MET: variants seen among roughly 807,000 people sequenced by gnomAD.
MET encodes the protein hepatocyte growth factor receptor.
In MET, 48 loss-of-function variants were observed where a neutral mutation model predicts 133.1. The ratio of observed to expected loss-of-function variants is 0.36; its 90% CI spans 0.29 to 0.46. MET has a LOEUF of 0.46. Among genes scored for constraint, MET ranks in the 20% least tolerant of loss-of-function variants. The pLI is 1.00. For missense variants in MET, 1,442 were observed against 1,695.9 expected (o/e 0.85, Z 2.63); for synonymous variants, 628 against 616.5 (o/e 1.02, Z -0.28).
At chr7:116,745,736 G>A (rs973985110) in intron 5 of MET, among the ~76,000 whole-genome samples, 1 of 152,186 alleles carries the variant, frequency 6.6e-6, no homozygotes, top group Non-Finnish European at 1.5e-5. Context: ...TATGGAGAAA[G>A]CTGAAACTGG....
chr7:116,744,985 A>T (rs1584927589), intron 5 of MET, among the ~76,000 whole-genome samples: 1 of 152,228 alleles, frequency 6.6e-6, no homozygotes, highest in African/African-American at 2.4e-5. Context: ...GAGGAAGTCA[A>T]ATTGTCCCTG....
In MET at chr7:116,761,259, A is replaced by G. The variant is rs112270031; in HGVS notation, c.2364+1769A>G. On this transcript the variant is annotated intron_variant, in intron 10 of 20. Coordinates refer to ENST00000397752, the MANE Select transcript of MET (RefSeq NM_000245.4). The stretch of plus-strand genomic sequence containing the variant: ...TATTTGTTTATATATCTGGAAATAT[A>G]AACTTCTGTTGTTTTAGTGACAAAC... 5.2e-3 allele frequency among the ~76,000 whole-genome samples: 798 copies of G among 152,336 alleles called. 3 individuals carry two copies. The highest frequency in any genetic ancestry group is 8.9e-3 in the Non-Finnish European group (607 of 68,022).
At chr7:116,673,579 T>C (rs1264609812) in intron 1 of MET, among the ~76,000 whole-genome samples, 1 of 152,202 alleles carries the variant, frequency 6.6e-6, no homozygotes, top group African/African-American at 2.4e-5. Flanking sequence ...GTTTATTCTG[T>C]CGCTTTCATC....
At chr7:116,720,219 T>C (rs1310887943) in intron 2 of MET, among the ~76,000 whole-genome samples, 1 of 146,924 alleles carries the variant, frequency 6.8e-6, no homozygotes, top group African/African-American at 2.5e-5. Context: ...TAAGTTGGAT[T>C]CCTAGGTATT....
At chr7:116,768,943 T>A (rs549174351) in intron 11 of MET, among the ~76,000 whole-genome samples, 2 of 152,314 alleles carry the variant, frequency 1.3e-5, no homozygotes, top group South Asian at 4.1e-4. Context: ...TTTTAAAAAA[T>A]TTTTGTGTAA....
chr7:116,696,458 C>G (rs906173881), intron 1 of MET, among the ~76,000 whole-genome samples: 1 of 152,208 alleles, frequency 6.6e-6, no homozygotes, highest in Non-Finnish European at 1.5e-5. Flanking sequence ...CCCATTCCCT[C>G]AATTTAACAT....
At chr7:116,767,961 C>CATATAT (rs35523419) in intron 11 of MET, among the ~76,000 whole-genome samples, 2 of 138,990 alleles carry the variant, frequency 1.4e-5, no homozygotes, top group African/African-American at 2.7e-5. Context: ...TTCTAATATG[C>CATATAT]ATATATATAT....
At position 116,774,546 on chromosome 7, in the gene MET, G is replaced by C. The variant is rs183129962; in HGVS notation, c.3029-335G>C. Among the ~76,000 whole-genome samples the C allele has an allele frequency of 1.3e-3, 193 of 152,272 alleles. 1 individual carries two copies. Among genetic ancestry groups the C allele is most frequent in the African/African-American group, 4.5e-3 (186 of 41,544 alleles). On this transcript the variant is annotated intron_variant, in intron 14 of 20. Coordinates refer to ENST00000397752, the MANE Select transcript of MET (RefSeq NM_000245.4). ...TATTTGAGCTGGATTTTTGTGAGACGAGGCAATTGCTCAACTACCTTTGCT... is the reference window on the plus strand; with the variant it reads ...TATTTGAGCTGGATTTTTGTGAGACCAGGCAATTGCTCAACTACCTTTGCT...
chr7:116,716,377 G>A (rs1482936987), intron 2 of MET, among the ~76,000 whole-genome samples: 1 of 117,416 alleles, frequency 8.5e-6, no homozygotes, highest in African/African-American at 3.2e-5. Context: ...AAGGAAGGAG[G>A]GAAAAAGAGA....
At chr7:116,753,355 C>G (rs753426615) in intron 5 of MET, among the ~76,000 whole-genome samples, 1 of 152,160 alleles carries the variant, frequency 6.6e-6, no homozygotes, top group Non-Finnish European at 1.5e-5. Flanking sequence ...GTCCCCACCC[C>G]CAAAAGAGCA....
At chr7:116,716,482 AAAGAAAG>A (rs1249151756) in intron 2 of MET, among the ~76,000 whole-genome samples, 9 of 128,540 alleles carry the variant, frequency 7.0e-5, no homozygotes, top group Non-Finnish European at 1.7e-5. Context: ...AGAAAGAAAG[AAAGAAAG>A]AAAGAAAGAA....
chr7:116,741,449 A>G (rs1359451522), intron 5 of MET, among the ~76,000 whole-genome samples: 1 of 152,174 alleles, frequency 6.6e-6, no homozygotes, highest in Non-Finnish European at 1.5e-5. Context: ...GTGCCCAGAC[A>G]TGAGCCTCCA....
chr7:116,798,197 A>G lies in MET; in HGVS notation c.*2073A>G, dbSNP rs1231883271. 4.7e-6 allele frequency: 1 copy of G among 212,994 alleles called. No homozygotes were observed. Among genetic ancestry groups the G allele is most frequent in the African/African-American group, 2.3e-5 (1 of 44,198 alleles). 13.2% of individuals were successfully genotyped at this position (212,994 alleles called of 1,614,324 possible). ...ATTCTTGAGAACACTGCAATGTGAA[A>G]ATCACGTTTGCTATTTATAAACTTG... is the stretch of plus-strand genomic sequence containing the variant. On this transcript the variant is annotated 3_prime_UTR_variant, in exon 21 of 21. Transcript: ENST00000397752.
chr7:116,726,425 C>T (rs532721417), intron 2 of MET, among the ~76,000 whole-genome samples: 5 of 151,784 alleles, frequency 3.3e-5, no homozygotes, highest in East Asian at 2.0e-4. Context: ...TCAAGCTATA[C>T]GGTATCTTCC....
chr7:116,690,491 T>C (rs896704960), intron 1 of MET, among the ~76,000 whole-genome samples: 1 of 152,252 alleles, frequency 6.6e-6, no homozygotes, highest in Non-Finnish European at 1.5e-5. Flanking sequence ...TGAAAAATTC[T>C]GAAGATTCCT....
At chr7:116,755,932 T>C (rs1341752714) in intron 6 of MET, among the ~76,000 whole-genome samples, 1 of 152,174 alleles carries the variant, frequency 6.6e-6, no homozygotes, top group African/African-American at 2.4e-5. Context: ...TTTCTAAACC[T>C]CAGAAATGTA....
chr7:116,791,280 T>C (rs1042252412), intron 19 of MET, among the ~76,000 whole-genome samples: 1 of 152,176 alleles, frequency 6.6e-6, no homozygotes. Context: ...CTGCCAACTA[T>C]TTTTCAAAGT....
intron 1 of MET, 111 bp from the exon 2 acceptor site, chr7:116,698,960 A>G (rs1161704161): frequency 1.1e-5 from 17 of 1,484,400 alleles, no homozygotes; most frequent in African/African-American, 4.2e-5. Flanking sequence ...CCTTCTATGT[A>G]AAAGTCCAGT....
chr7:116,739,928 T>A (rs1417667928), intron 3 of MET, 22 bp from the exon 4 acceptor site: 1 of 1,614,020 alleles, frequency 6.2e-7, no homozygotes. Flanking sequence ...AATAAGGATG[T>A]TATAACTTTT....
Sources: gnomAD v4.1 joint callset for allele counts (sites outside exome capture counted in the v4.1 genomes callset) on GRCh38, gnomAD v4.1.1 for gene constraint, MANE v1.5 for transcripts, NCBI Gene and HGNC (gene_info 2026-07-23, HGNC 2026-07-21) for gene names.